Variants in CTBP2 observed in about 807,000 individuals in gnomAD.
The protein encoded by CTBP2 is C-terminal-binding protein 2.
A neutral mutation model predicts 80.3 loss-of-function variants in CTBP2; 30 were observed. The observed-to-expected ratio is 0.37, with a 90% CI of 0.28 to 0.51. The LOEUF (loss-of-function observed/expected upper bound fraction) is 0.51. Among genes scored for constraint, CTBP2 ranks in the 20% least tolerant of loss-of-function variants. The probability of loss-of-function intolerance (pLI) is 0.93; values close to 1 mark genes in which losing one functional copy is unlikely to be tolerated. For synonymous variants in CTBP2, 594 were observed against 587.4 expected (o/e 1.01, Z -0.16); for missense variants, 1,212 against 1,375.3 (o/e 0.88, Z 1.88).
chr10:125,112,852 C>A (rs1371720755), intron 1 of CTBP2, among the ~76,000 whole-genome samples: 1 of 152,330 alleles, frequency 6.6e-6, no homozygotes, highest in East Asian at 1.9e-4. Flanking sequence ...CCGTGACAGG[C>A]ATTTTCCTGC....
chr10:124,984,832 C>T lies in CTBP2; in HGVS notation c.*4686G>A, dbSNP rs755272364. The T allele has an allele frequency of 5.0e-6, 8 of 1,613,574 alleles. No homozygotes were observed. The highest frequency in any genetic ancestry group is 1.1e-5 in the South Asian group (1 of 91,026). On this transcript the variant is annotated 3_prime_UTR_variant, in exon 9 of 9. Transcript: ENST00000309035. ...AGGGAGTGGCTGGACTGCTGTGTGA[C>T]GGAGGGGGGAGTTCTGGTTGCCATG...
Position 125,026,993 on chromosome 10 carries a change from C to G in CTBP2, c.767G>C (p.Gly256Ala). The G allele has an allele frequency of 6.2e-7, 1 of 1,613,990 alleles. No individual in the cohort carries two copies. Among genetic ancestry groups the G allele is most frequent in the Non-Finnish European group, 8.5e-7 (1 of 1,180,026 alleles). ...GATGCTTTCCCGGGCAGGCCCGTAGCCACGATTCAGGGCCCCTGGGGCCAC... is the reference window on the plus strand; with the variant it reads ...GATGCTTTCCCGGGCAGGCCCGTAGGCACGATTCAGGGCCCCTGGGGCCAC... Residue 256 changes from glycine (G) to alanine (A), a missense_variant, in exon 1 of 9, where the codon GGC (glycine) becomes GCC (alanine). By Grantham distance (60) the Gly-to-Ala change is moderately conservative. Transcript: ENST00000309035.
chr10:125,028,062 T>C lies in CTBP2; in HGVS notation c.-303A>G. ...AGCCTGCCAGGTCCCCCTTCCTGGCTGGTGTGCTCACATGGACCAGGGCTC... is the reference window on the plus strand; with the variant it reads ...AGCCTGCCAGGTCCCCCTTCCTGGCCGGTGTGCTCACATGGACCAGGGCTC... On this transcript the variant is annotated 5_prime_UTR_variant, in exon 1 of 9. Transcript: ENST00000309035. 1 of 451,150 alleles carries C rather than the reference T, an allele frequency of 2.2e-6. No individual in the cohort carries two copies. Among genetic ancestry groups the C allele is most frequent in the Non-Finnish European group, 3.5e-6 (1 of 288,120 alleles). The allele number at this position is 451,150 out of a possible 1,614,324, so 27.9% of individuals were successfully genotyped here.
upstream of CTBP2, among the ~76,000 whole-genome samples, chr10:125,030,992 C>G (rs937345576): frequency 3.3e-5 from 5 of 152,266 alleles, no homozygotes; most frequent in Admixed American, 1.3e-4. Context: ...GACGGAGCCA[C>G]CACAGTGCCC....
chr10:125,080,648 C>T (rs907029673), intron 2 of CTBP2, among the ~76,000 whole-genome samples: 1 of 152,186 alleles, frequency 6.6e-6, no homozygotes, highest in African/African-American at 2.4e-5. Flanking sequence ...AAAATAGTCA[C>T]GCAAGAAATC....
chr10:125,026,556 G>A lies in CTBP2; in HGVS notation c.1204C>T (p.Pro402Ser), dbSNP rs113477585. ...GGTGCGCTGGAGGGACGGCGAGCCGGGTCTCCAGCTCGGGGGGATGCTGTC... is the reference window on the plus strand; with the variant it reads ...GGTGCGCTGGAGGGACGGCGAGCCGAGTCTCCAGCTCGGGGGGATGCTGTC... Residue 402 changes from proline to serine, a missense_variant, in exon 1 of 9, where the codon CCG becomes TCG. By Grantham distance (74) the Pro-to-Ser change is moderately conservative. Coordinates refer to ENST00000309035, the MANE Select transcript of CTBP2 (RefSeq NM_022802.3). 3,414 of 1,559,484 alleles carry A rather than the reference G, an allele frequency of 2.2e-3. 67 individuals carry two copies. The African/African-American group carries it at 0.042, about 19-fold the overall frequency.
At chr10:124,996,061 TTTTTTTTA>T (rs1372287999) in intron 4 of CTBP2, 1 of 151,106 alleles carries the variant, frequency 6.6e-6, no homozygotes, top group East Asian at 1.9e-4. Flanking sequence ...TTTTTTTTTT[TTTTTTTTA>T]AAGTTCACAA....
At chr10:125,007,399 G>A (rs981337966) in intron 1 of CTBP2, among the ~76,000 whole-genome samples, 1 of 152,252 alleles carries the variant, frequency 6.6e-6, no homozygotes, top group African/African-American at 2.4e-5. Context: ...AAATACTTGT[G>A]AAATGAGAGA....
intron 2 of CTBP2, among the ~76,000 whole-genome samples, chr10:125,092,688 C>T (rs895647737): frequency 6.6e-6 from 1 of 152,146 alleles, no homozygotes; most frequent in African/African-American, 2.4e-5. Context: ...AGAGTGGTGC[C>T]ATCGGGAGGT....
chr10:124,993,822 G>A (rs754039855), intron 6 of CTBP2, 33 bp downstream of exon 8: 2 of 1,597,256 alleles, frequency 1.3e-6, no homozygotes, highest in Admixed American at 3.4e-5. Flanking sequence ...TGGGCCCTGT[G>A]GGCTCCTGGT....
intron 1 of CTBP2, among the ~76,000 whole-genome samples, chr10:125,136,732 G>A (rs551347743): frequency 3.9e-5 from 6 of 152,148 alleles, no homozygotes; most frequent in Non-Finnish European, 8.8e-5. Flanking sequence ...ACACAGCAGG[G>A]GCCAACGAAC....
chr10:125,089,007 G>A (rs768981578), intron 2 of CTBP2, among the ~76,000 whole-genome samples: 4 of 152,080 alleles, frequency 2.6e-5, no homozygotes, highest in African/African-American at 4.8e-5. Context: ...TCACAAATTC[G>A]GTTGCGAAGA....
chr10:125,041,235 C>T (rs554315909), intron 2 of CTBP2, among the ~76,000 whole-genome samples: 1 of 152,324 alleles, frequency 6.6e-6, no homozygotes, highest in South Asian at 2.1e-4. Context: ...CATGTGCCAA[C>T]ATGCCTGGCT....
At chr10:125,045,455 T>C (rs1960992496) in intron 2 of CTBP2, among the ~76,000 whole-genome samples, 2 of 152,158 alleles carry the variant, frequency 1.3e-5, no homozygotes, top group Admixed American at 6.5e-5. Flanking sequence ...TAAAGAGGCG[T>C]ACAGGAAAAT....
At chr10:125,147,131 T>C (rs1231018301) in intron 1 of CTBP2, among the ~76,000 whole-genome samples, 1 of 152,166 alleles carries the variant, frequency 6.6e-6, no homozygotes. Context: ...GCTATGATGA[T>C]GACGTGTGCA....
At chr10:125,037,286 G>A (rs945077248) in intron 3 of CTBP2, among the ~76,000 whole-genome samples, 6 of 152,182 alleles carry the variant, frequency 3.9e-5, no homozygotes, top group African/African-American at 1.4e-4. Flanking sequence ...ACACACAGAG[G>A]AAACGCTGCT....
intron 8 of CTBP2, 135 bp downstream of exon 10, chr10:124,992,560 T>A: frequency 1.6e-6 from 1 of 615,712 alleles, no homozygotes; most frequent in Non-Finnish European, 2.9e-6. Context: ...ACACAGTTCC[T>A]GCTGAGAAGG....
chr10:125,148,411 C>A (rs536782806), intron 1 of CTBP2, among the ~76,000 whole-genome samples: 4 of 152,186 alleles, frequency 2.6e-5, no homozygotes, highest in Non-Finnish European at 5.9e-5. Context: ...CTAACCACAG[C>A]GAACCCAGGC....
intron 3 of CTBP2, among the ~76,000 whole-genome samples, chr10:125,037,525 G>A (rs565514681): frequency 6.6e-6 from 1 of 152,232 alleles, no homozygotes; most frequent in Non-Finnish European, 1.5e-5. Context: ...CTGTGGAATA[G>A]TCTACAAATC....
Sources: allele counts gnomAD v4.1 joint callset (sites outside exome capture counted in the v4.1 genomes callset), GRCh38; gene constraint gnomAD v4.1.1; transcripts MANE v1.5; gene names NCBI Gene and HGNC (gene_info 2026-07-23, HGNC 2026-07-21).